Variants in DST observed in about 807,000 individuals in gnomAD.
The protein encoded by DST is bullous pemphigoid antigen.
DST carries 253 observed loss-of-function variants against 875.2 expected under a neutral mutation model. The ratio of observed to expected loss-of-function variants is 0.29; its 90% confidence interval spans 0.26 to 0.32. The LOEUF is 0.32. Ranked by LOEUF, DST falls within the 10% of genes least tolerant of loss-of-function variation. DST has a pLI of 1.00. For missense variants in DST, 8,287 were observed against 9,111.6 expected (o/e 0.91, Z 3.68); for synonymous variants, 3,124 against 3,197.1 (o/e 0.98, Z 0.77).
intron 61 of DST, among the ~76,000 whole-genome samples, chr6:56,550,397 C>G (rs750734504): frequency 3.7e-4 from 56 of 152,154 alleles, no homozygotes; most frequent in Non-Finnish European, 8.8e-5. Context: ...AATTATCACT[C>G]TATATTTCTT....
At chr6:56,506,628 A>C (rs758635864) in intron 76 of DST, 39 bp downstream of exon 76, 2 of 1,611,698 alleles carry the variant, frequency 1.2e-6, no homozygotes, top group South Asian at 2.2e-5. Flanking sequence ...TTAACTAAAA[A>C]CTTTTTAAAA....
intron 69 of DST, among the ~76,000 whole-genome samples, chr6:56,521,163 G>C (rs2152496249): frequency 6.6e-6 from 1 of 152,060 alleles, no homozygotes; most frequent in East Asian, 1.9e-4. Context: ...AGAAGTGAAA[G>C]TTAGTCTTCT....
chr6:56,595,779 A>ACCCCCCCCCCCCC (rs559086079), intron 47 of DST, among the ~76,000 whole-genome samples: 1 of 144,524 alleles, frequency 6.9e-6, no homozygotes, highest in African/African-American at 2.9e-5. Flanking sequence ...TTCATATGCT[A>ACCCCCCCCCCCCC]CCCCCACCCC....
intron 2 of DST, among the ~76,000 whole-genome samples, chr6:56,951,137 G>A (rs1346215419): frequency 6.6e-6 from 1 of 152,108 alleles, no homozygotes; most frequent in Non-Finnish European, 1.5e-5. Context: ...TGGGCGTGTG[G>A]GTACCAGAAG....
At chr6:56,750,960 C>G (rs527860026) in intron 4 of DST, among the ~76,000 whole-genome samples, 1 of 152,178 alleles carries the variant, frequency 6.6e-6, no homozygotes, top group African/African-American at 2.4e-5. Context: ...TTTTTCACAA[C>G]AGCAGATGGT....
chr6:56,878,313 T>C (rs182371387), intron 3 of DST, among the ~76,000 whole-genome samples: 2 of 152,306 alleles, frequency 1.3e-5, no homozygotes, highest in East Asian at 1.9e-4. Flanking sequence ...GGGTAAAACA[T>C]GTCTCCCCTG....
intron 49 of DST, among the ~76,000 whole-genome samples, chr6:56,582,084 C>G (rs2098013826): frequency 6.6e-6 from 1 of 152,158 alleles, no homozygotes; most frequent in Non-Finnish European, 1.5e-5. Context: ...GATAATCTCT[C>G]TCTTGGATTG....
intron 12 of DST, among the ~76,000 whole-genome samples, chr6:56,649,068 G>C (rs972153104): frequency 6.6e-6 from 1 of 152,148 alleles, no homozygotes; most frequent in Non-Finnish European, 1.5e-5. Context: ...CAAGTTAGTT[G>C]CCATCTTTGC....
At chr6:56,945,086 CCTT>C (rs1264367263) in intron 2 of DST, among the ~76,000 whole-genome samples, 1 of 152,190 alleles carries the variant, frequency 6.6e-6, no homozygotes, top group Non-Finnish European at 1.5e-5. Context: ...CCATCTCTAG[CCTT>C]CTTGTTATGA....
chr6:56,647,458 C>T (rs1432970610), intron 13 of DST, among the ~76,000 whole-genome samples: 1 of 152,154 alleles, frequency 6.6e-6, no homozygotes, highest in African/African-American at 2.4e-5. Context: ...GATGCAGGAG[C>T]ACAATGAATA....
At chr6:56,825,218 G>A (rs1219070099) in intron 4 of DST, among the ~76,000 whole-genome samples, 13 of 149,234 alleles carry the variant, frequency 8.7e-5, no homozygotes, top group Non-Finnish European at 1.3e-4. Flanking sequence ...TGTGCTCTCT[G>A]AAACATGTGC....
At position 56,553,096 on chromosome 6, in the gene DST, C is replaced by G. The variant is rs1408470142; in HGVS notation, c.15696G>C (p.Leu5232Phe). 4.3e-6 allele frequency: 7 copies of G among 1,613,986 alleles called. No homozygotes were observed. Among genetic ancestry groups the G allele is most frequent in the African/African-American group, 2.7e-5 (2 of 75,056 alleles). Reference protein sequence around the residue: ...VELLNNTANSLLSVCEIDKEV... With the variant: ...VELLNNTANSFLSVCEIDKEV... Reference sequence around the variant, plus strand: ...CTTTATCTATCTCACAGACACTGAGCAAGCTATTGGCTGTGTTGTTCAGTA... The same window carrying G: ...CTTTATCTATCTCACAGACACTGAGGAAGCTATTGGCTGTGTTGTTCAGTA... The change falls in exon 61 of 104, where the codon TTG becomes TTC. Residue 5232 changes from leucine (L) to phenylalanine (F), a missense_variant. By Grantham distance (22) the Leu-to-Phe change is conservative. Coordinates refer to ENST00000680361, the MANE Select transcript of DST (RefSeq NM_001374736.1).
chr6:56,487,417 CT>C, intron 86 of DST, 144 bp from the exon 87 acceptor site: 1 of 715,694 alleles, frequency 1.4e-6, no homozygotes, highest in Non-Finnish European at 2.1e-6. Context: ...GATTTTTTGA[CT>C]TTACCATGGT....
chr6:56,611,749 T>C (rs1264277154), intron 37 of DST, among the ~76,000 whole-genome samples, 153 bp from the exon 38 acceptor site: 1 of 152,224 alleles, frequency 6.6e-6, no homozygotes, highest in Non-Finnish European at 1.5e-5. Context: ...TAGCAGTCTA[T>C]AGAGCTAGAT....
At chr6:56,528,758 T>C (rs373650355) in intron 67 of DST, 83 bp downstream of exon 67, 1 of 962,360 alleles carries the variant, frequency 1.0e-6, no homozygotes, top group African/African-American at 1.7e-5. Flanking sequence ...ATAAAGTGTT[T>C]TGGTTTTTTC....
At chr6:56,774,154 T>TCCC (rs1422466421) in intron 4 of DST, among the ~76,000 whole-genome samples, 1 of 151,774 alleles carries the variant, frequency 6.6e-6, no homozygotes, top group Non-Finnish European at 1.5e-5. Flanking sequence ...AGATCTTGAT[T>TCCC]CCCCTGCTCA....
intron 3 of DST, among the ~76,000 whole-genome samples, chr6:56,862,752 T>C (rs1771911572): frequency 1.3e-5 from 2 of 151,924 alleles, no homozygotes; most frequent in Admixed American, 6.6e-5. Context: ...ATGGAGAGGA[T>C]GAATTTGAGA....
rs201758531 is a variant in DST at position 56,572,940 on chromosome 6, A to G, written c.13361T>C (p.Leu4454Ser). Reference sequence around the variant, plus strand: ...ACTTGCTTCTGAAAACCGAGCAGACAAGTCTTTCATTTTGGCTTGCAGTGA... The same window carrying G: ...ACTTGCTTCTGAAAACCGAGCAGACGAGTCTTTCATTTTGGCTTGCAGTGA... ...ASSLQAKMKD[L>S]SARFSEASHK... Residue 4454 changes from leucine (L) to serine (S), a missense_variant, in exon 52 of 104, where the codon TTG (leucine) becomes TCG (serine). This residue lies in a region of DST where 1,513 missense variants were observed against 1,677.8 expected (regional missense o/e 0.90). Transcript: ENST00000680361. 1.7e-4 allele frequency: 279 copies of G among 1,613,168 alleles called. No individual in the cohort carries two copies. Among genetic ancestry groups the G allele is most frequent in the Middle Eastern group, 8.2e-4 (5 of 6,062 alleles).
At chr6:56,566,245 G>GA (rs200689462) in intron 55 of DST, among the ~76,000 whole-genome samples, 2,154 of 151,468 alleles carry the variant, frequency 0.014, 40 homozygotes, top group African/African-American at 0.049. Flanking sequence ...CTGCAGTATA[G>GA]AAAAAAAAAC....
Sources: allele counts gnomAD v4.1 joint callset (sites outside exome capture counted in the v4.1 genomes callset), GRCh38; gene constraint gnomAD v4.1.1; regional missense constraint gnomAD v4.1.1; transcripts MANE v1.5; gene names NCBI Gene and HGNC (gene_info 2026-07-23, HGNC 2026-07-21).